Variants in THSD7B observed in about 807,000 individuals in gnomAD.
The protein encoded by THSD7B is thrombospondin type-1 domain-containing protein 7B.
Under a neutral mutation model 213.6 loss-of-function variants are expected in THSD7B, and 138 were observed. The observed-to-expected ratio is 0.65, with a 90% CI of 0.56 to 0.74. The LOEUF (loss-of-function observed/expected upper bound fraction) is 0.74. THSD7B is among the 30% of genes least tolerant of loss of function. The probability of loss-of-function intolerance (pLI) is 0.00; values close to 1 mark genes in which losing one functional copy is unlikely to be tolerated. For synonymous variants in THSD7B, 742 were observed against 687.0 expected (o/e 1.08, Z -1.25); for missense variants, 1,931 against 1,991.5 (o/e 0.97, Z 0.58).
intron 2 of THSD7B, among the ~76,000 whole-genome samples, chr2:136,981,815 C>T (rs558814205): frequency 7.9e-5 from 12 of 152,308 alleles, no homozygotes; most frequent in Admixed American, 2.6e-4. Flanking sequence ...TGCAGCATCT[C>T]GTAGTCTTTG....
intron 12 of THSD7B, among the ~76,000 whole-genome samples, chr2:137,328,250 A>G (rs1684416686): frequency 6.6e-6 from 1 of 152,206 alleles, no homozygotes; most frequent in Non-Finnish European, 1.5e-5. Flanking sequence ...GAGTTTCTCT[A>G]CTAAAAATTT....
chr2:136,953,346 A>T (rs6720875), intron 2 of THSD7B, among the ~76,000 whole-genome samples: 12,543 of 152,180 alleles, frequency 0.082, 897 homozygotes, highest in African/African-American at 0.19. Flanking sequence ...AGTGGCTTTA[A>T]AGAACACATT....
intron 5 of THSD7B, among the ~76,000 whole-genome samples, chr2:137,120,929 A>G (rs1688535396): frequency 6.6e-6 from 1 of 152,238 alleles, no homozygotes; most frequent in African/African-American, 2.4e-5. Context: ...ATCTACATAT[A>G]TAGTTCAAAT....
At chr2:137,269,158 T>C (rs1317247716) in intron 10 of THSD7B, among the ~76,000 whole-genome samples, 1 of 152,166 alleles carries the variant, frequency 6.6e-6, no homozygotes, top group Admixed American at 6.5e-5. Flanking sequence ...CAAAGACATA[T>C]ACATTTTTCT....
At chr2:137,583,257 G>A (rs1196655267) in intron 17 of THSD7B, among the ~76,000 whole-genome samples, 1 of 152,108 alleles carries the variant, frequency 6.6e-6, no homozygotes, top group Non-Finnish European at 1.5e-5. Context: ...GAGATGAGTA[G>A]ATTGCAAAAA....
intron 5 of THSD7B, among the ~76,000 whole-genome samples, chr2:137,119,705 T>C (rs1178163630): frequency 6.6e-6 from 1 of 152,156 alleles, no homozygotes; most frequent in Non-Finnish European, 1.5e-5. Flanking sequence ...TACAGCCTTT[T>C]TTCCCCCTAC....
chr2:136,776,928 G>C (rs1474124534), intron 1 of THSD7B, among the ~76,000 whole-genome samples: 1 of 152,068 alleles, frequency 6.6e-6, no homozygotes, highest in Non-Finnish European at 1.5e-5. Flanking sequence ...ATGATTCTAA[G>C]ATGAGAAATG....
chr2:136,848,675 G>T (rs1046227944), intron 1 of THSD7B, among the ~76,000 whole-genome samples: 1 of 152,112 alleles, frequency 6.6e-6, no homozygotes, highest in Non-Finnish European at 1.5e-5. Context: ...TTGCCTAGAA[G>T]TAAATCTGTC....
intron 2 of THSD7B, among the ~76,000 whole-genome samples, chr2:136,957,956 G>C (rs1337886041): frequency 6.6e-6 from 1 of 152,082 alleles, no homozygotes; most frequent in African/African-American, 2.4e-5. Context: ...AACTAAAATA[G>C]TTATTTGTAT....
At chr2:137,300,240 A>AG (rs1683568663) in intron 12 of THSD7B, among the ~76,000 whole-genome samples, 1 of 152,158 alleles carries the variant, frequency 6.6e-6, no homozygotes, top group South Asian at 2.1e-4. Flanking sequence ...ACCAAAGAAA[A>AG]GTTAATTTAT....
chr2:137,347,784 C>T (rs1466843841), intron 12 of THSD7B, among the ~76,000 whole-genome samples: 1 of 151,198 alleles, frequency 6.6e-6, no homozygotes, highest in Non-Finnish European at 1.5e-5. Context: ...AGGATATAAA[C>T]TTATACAGTG....
chr2:137,490,002 A>G (rs1411863021), intron 15 of THSD7B, among the ~76,000 whole-genome samples: 1 of 152,204 alleles, frequency 6.6e-6, no homozygotes, highest in Non-Finnish European at 1.5e-5. Flanking sequence ...TCCATCAGAG[A>G]AATCAATGGT....
chr2:136,966,131 C>T (rs1471070329), intron 2 of THSD7B, among the ~76,000 whole-genome samples: 1 of 152,136 alleles, frequency 6.6e-6, no homozygotes, highest in Non-Finnish European at 1.5e-5. Flanking sequence ...TCACAGTGGT[C>T]TCAGGGATCT....
intron 2 of THSD7B, among the ~76,000 whole-genome samples, chr2:137,009,302 T>C (rs1477232228): frequency 6.6e-6 from 1 of 152,166 alleles, no homozygotes; most frequent in Admixed American, 6.5e-5. Context: ...TTTCTTTGTA[T>C]TTTTAGGTCT....
intron 7 of THSD7B, among the ~76,000 whole-genome samples, chr2:137,203,482 T>G (rs1209241877): frequency 1.3e-5 from 2 of 152,154 alleles, no homozygotes; most frequent in African/African-American, 4.8e-5. Context: ...ATTTACATAC[T>G]TCTTTCTTTA....
intron 12 of THSD7B, among the ~76,000 whole-genome samples, chr2:137,354,044 A>G (rs887903213): frequency 1.3e-5 from 2 of 152,064 alleles, no homozygotes; most frequent in Admixed American, 6.6e-5. Flanking sequence ...TTGTAACTAC[A>G]TGGCTGGCTC....
At chr2:137,563,421 A>G in intron 16 of THSD7B, 67 bp downstream of exon 16, 1 of 1,570,028 alleles carries the variant, frequency 6.4e-7, no homozygotes, top group Admixed American at 1.8e-5. Context: ...TATAAAAACA[A>G]CAGTGATGTT....
intron 1 of THSD7B, among the ~76,000 whole-genome samples, chr2:136,783,327 C>G (rs1029586623): frequency 6.6e-6 from 1 of 152,150 alleles, no homozygotes; most frequent in Non-Finnish European, 1.5e-5. Flanking sequence ...CATGAATTAT[C>G]TATGTGGTTC....
chr2:136,809,489 C>T (rs1389469383), intron 1 of THSD7B, among the ~76,000 whole-genome samples: 1 of 152,158 alleles, frequency 6.6e-6, no homozygotes, highest in Non-Finnish European at 1.5e-5. Flanking sequence ...TGTGCCATGA[C>T]ATCACCTTGG....
Sources: allele counts gnomAD v4.1 joint callset (sites outside exome capture counted in the v4.1 genomes callset), GRCh38; gene constraint gnomAD v4.1.1; transcripts MANE v1.5; gene names NCBI Gene and HGNC (gene_info 2026-07-23, HGNC 2026-07-21).